PFDN1: variants seen among roughly 807,000 people sequenced by gnomAD.
PFDN1 encodes prefoldin 1.
A neutral mutation model predicts 17.3 loss-of-function variants in PFDN1; 6 were observed. That is an observed-to-expected ratio of 0.35 (90% CI 0.19 to 0.69). PFDN1 has a LOEUF of 0.69. Ranked by LOEUF, PFDN1 falls within the 30% of genes least tolerant of loss-of-function variation. The probability of loss-of-function intolerance (pLI) is 0.65; values close to 1 mark genes in which losing one functional copy is unlikely to be tolerated. For missense variants in PFDN1, 113 were observed against 146.2 expected (o/e 0.77, Z 1.17); for synonymous variants, 58 against 50.1 (o/e 1.16, Z -0.67).
chr5:140,279,736 CTA>C (rs1180522059), intron 3 of PFDN1, among the ~76,000 whole-genome samples: 5 of 151,700 alleles, frequency 3.3e-5, no homozygotes, highest in Non-Finnish European at 7.4e-5. Flanking sequence ...GCGCAGTGGC[CTA>C]TGATTCCCAG....
At chr5:140,285,840 G>A (rs138702536) in intron 2 of PFDN1, among the ~76,000 whole-genome samples, 2 of 152,002 alleles carry the variant, frequency 1.3e-5, no homozygotes, top group African/African-American at 2.4e-5. Context: ...CAAAACAGGA[G>A]ATAAAACCAA....
intron 2 of PFDN1, among the ~76,000 whole-genome samples, chr5:140,290,229 C>T (rs1219842298): frequency 6.6e-6 from 1 of 152,114 alleles, no homozygotes; most frequent in South Asian, 2.1e-4. Context: ...CAGTTGCATC[C>T]CCCAAGATTT....
intron 3 of PFDN1, among the ~76,000 whole-genome samples, chr5:140,246,952 T>TA (rs1367167794): frequency 6.6e-6 from 1 of 152,174 alleles, no homozygotes; most frequent in Non-Finnish European, 1.5e-5. Context: ...AGGGCATATG[T>TA]GACTGAGCCA....
At chr5:140,297,921 T>A (rs867844914) in intron 2 of PFDN1, among the ~76,000 whole-genome samples, 26 of 152,344 alleles carry the variant, frequency 1.7e-4, no homozygotes, top group African/African-American at 6.0e-4. Flanking sequence ...AGCGCAGTGA[T>A]GTGAAATCCA....
At position 140,245,554 on chromosome 5, in the gene PFDN1, A is replaced by T; in HGVS notation, c.*420T>A. 1.4e-6 allele frequency: 1 copy of T among 702,586 alleles called. No homozygotes were observed. Among genetic ancestry groups the T allele is most frequent in the South Asian group, 1.5e-5 (1 of 67,600 alleles). 43.5% of individuals were successfully genotyped at this position (702,586 alleles called of 1,614,324 possible). On this transcript the variant is annotated 3_prime_UTR_variant, in exon 4 of 4. Transcript: ENST00000261813. ...AAAGGAAGGGCTCTGATGCAGAGGG[A>T]GCAGGAGCTGAGGTGGAGACGGCCA...
intron 1 of PFDN1, among the ~76,000 whole-genome samples, chr5:140,302,500 C>T (rs559445517): frequency 6.6e-6 from 1 of 152,220 alleles, no homozygotes; most frequent in South Asian, 2.1e-4. Context: ...TTGACGAGTC[C>T]TTCAAAAGAA....
At chr5:140,250,436 C>T (rs1400752543) in intron 3 of PFDN1, among the ~76,000 whole-genome samples, 2 of 151,844 alleles carry the variant, frequency 1.3e-5, no homozygotes, top group African/African-American at 4.8e-5. Context: ...TCAAATGTTA[C>T]CTTATCTGCG....
chr5:140,293,122 T>C (rs1393107219), intron 2 of PFDN1: 1 of 152,114 alleles, frequency 6.6e-6, no homozygotes, highest in Non-Finnish European at 1.5e-5. Context: ...CAGCACACAA[T>C]TCCTCAGTGA....
Position 140,280,014 on chromosome 5 carries a change from C to CCAAAAAAAAAAAAAAAAAAAA in PFDN1, c.285+1434_285+1435insTTTTTTTTTTTTTTTTTTTTG, listed in dbSNP as rs1335205089. ...CCGTCTCAAAAAAAAAAAAAAAAAA[C>CCAAAAAAAAAAAAAAAAAAAA]AAAAAAAGAAAAGAAAAGAAAAGAA... On this transcript the variant is annotated intron_variant, in intron 3 of 3. Coordinates refer to ENST00000261813, the MANE Select transcript of PFDN1 (RefSeq NM_002622.5). 2.5e-3 allele frequency among the ~76,000 whole-genome samples: 251 copies of CCAAAAAAAAAAAAAAAAAAAA among 98,978 alleles called. 8 individuals are homozygous for CCAAAAAAAAAAAAAAAAAAAA. The highest frequency in any genetic ancestry group is 4.4e-3 in the African/African-American group (88 of 19,902). The allele number at this position is 98,978 out of a possible 152,430, so 64.9% of individuals were successfully genotyped here.
intron 3 of PFDN1, among the ~76,000 whole-genome samples, chr5:140,247,697 G>C (rs2126676955): frequency 6.6e-6 from 1 of 152,268 alleles, no homozygotes; most frequent in African/African-American, 2.4e-5. Flanking sequence ...CCAACACTTT[G>C]GGAGGCCAAG....
intron 3 of PFDN1, among the ~76,000 whole-genome samples, chr5:140,269,043 C>T (rs1477068528): frequency 1.3e-5 from 2 of 152,060 alleles, no homozygotes; most frequent in Non-Finnish European, 2.9e-5. Context: ...ATGGGGGGCT[C>T]GCTCTGTCAC....
At position 140,245,669 on chromosome 5, in the gene PFDN1, G is replaced by A. The variant is rs1057469137; in HGVS notation, c.*305C>T. On this transcript the variant is annotated 3_prime_UTR_variant, in exon 4 of 4. Transcript: ENST00000261813. ...GACGCTTTTTATTGGTCTGGCTGGC[G>A]TGCCTAGTGGAAAGCTCAGGCAGAG... The A allele has an allele frequency of 2.6e-5, 17 of 651,186 alleles. No individual in the cohort carries two copies. The highest frequency in any genetic ancestry group is 2.0e-4 in the African/African-American group (11 of 55,250). 40.3% of individuals were successfully genotyped at this position (651,186 alleles called of 1,614,324 possible). A position where few individuals can be genotyped will look rare whatever the true frequency, so the allele number is the denominator to read the frequency against.
chr5:140,292,228 T>C (rs1765591515), intron 2 of PFDN1, among the ~76,000 whole-genome samples: 5 of 152,186 alleles, frequency 3.3e-5, no homozygotes, highest in Admixed American at 2.6e-4. Context: ...TTCCAAGATA[T>C]GATCTTTATT....
chr5:140,248,367 G>T (rs769006629), intron 3 of PFDN1, among the ~76,000 whole-genome samples: 1 of 152,072 alleles, frequency 6.6e-6, no homozygotes, highest in East Asian at 1.9e-4. Flanking sequence ...GTGCCAGGCC[G>T]ATAAACAACT....
At chr5:140,297,357 AAT>A (rs1168065494) in intron 2 of PFDN1, among the ~76,000 whole-genome samples, 1 of 152,214 alleles carries the variant, frequency 6.6e-6, no homozygotes, top group Non-Finnish European at 1.5e-5. Flanking sequence ...TAAATTCAGA[AAT>A]AGATATCTCA....
chr5:140,276,535 C>CT (rs1168327029), intron 3 of PFDN1, among the ~76,000 whole-genome samples: 3 of 152,048 alleles, frequency 2.0e-5, no homozygotes, highest in Non-Finnish European at 4.4e-5. Flanking sequence ...AATCCCAGCA[C>CT]TCTGGGAGGC....
intron 3 of PFDN1, among the ~76,000 whole-genome samples, chr5:140,252,916 G>A (rs1027285065): frequency 4.6e-5 from 7 of 152,210 alleles, no homozygotes; most frequent in Non-Finnish European, 7.3e-5. Context: ...AACAGAGGCA[G>A]GCAAAACCCC....
intron 2 of PFDN1, among the ~76,000 whole-genome samples, chr5:140,286,465 T>A (rs1765492483): frequency 6.6e-6 from 1 of 151,170 alleles, no homozygotes; most frequent in East Asian, 1.9e-4. Flanking sequence ...GTCATTCCAT[T>A]TTCAAGATGA....
chr5:140,272,032 T>TTGC (rs1765213895), intron 3 of PFDN1, among the ~76,000 whole-genome samples: 1 of 150,850 alleles, frequency 6.6e-6, no homozygotes, highest in African/African-American at 2.4e-5. Flanking sequence ...TTTGTTGTTG[T>TTGC]CTTTTGAGAT....
Sources: gnomAD v4.1 joint callset for allele counts (sites outside exome capture counted in the v4.1 genomes callset) on GRCh38, gnomAD v4.1.1 for gene constraint, MANE v1.5 for transcripts, NCBI Gene and HGNC (gene_info 2026-07-23, HGNC 2026-07-21) for gene names.